The following DENND6B variants were observed in gnomAD, a reference collection of about 807,000 sequenced individuals.
DENND6B encodes the protein protein DENND6B.
DENND6B carries 73 observed loss-of-function variants against 85.1 expected under a neutral mutation model. The ratio of observed to expected loss-of-function variants is 0.86; its 90% CI spans 0.71 to 1.04. The LOEUF is 1.04. DENND6B is among the 50% of genes least tolerant of loss of function. DENND6B has a pLI of 0.00. For synonymous variants in DENND6B, 357 were observed against 329.3 expected, an observed-to-expected ratio of 1.08 and a Z score of -0.91; for missense variants, 715 against 785.8, an observed-to-expected ratio of 0.91 and a Z score of 1.08.
chr22:50,318,163 T>G (rs2041916986), intron 3 of DENND6B, 143 bp from the exon 4 acceptor site: 1 of 758,222 alleles, frequency 1.3e-6, no homozygotes, highest in African/African-American at 1.8e-5. Context: ...GCTAACACAG[T>G]GAAACCCCGT....
intron 15 of DENND6B, 46 bp downstream of exon 15, chr22:50,313,589 C>T (rs1569196468): frequency 6.6e-7 from 1 of 1,515,524 alleles, no homozygotes; most frequent in Non-Finnish European, 8.9e-7. Context: ...CCCATCCCCC[C>T]AGCCCCGTGC....
chr22:50,312,302 C>A, intron 19 of DENND6B, 41 bp from the exon 20 acceptor site: 1 of 1,611,160 alleles, frequency 6.2e-7, no homozygotes, highest in African/African-American at 1.3e-5. Context: ...CAGCTCCGTG[C>A]CAGGCTGGTG....
rs2041756965 is a variant in DENND6B, at chr22:50,315,004, G to C, written c.759-83C>G. The C allele has an allele frequency of 7.7e-6, 12 of 1,563,336 alleles. No individual in the cohort carries two copies. In the South Asian group the frequency reaches 1.4e-4, roughly 18 times the overall value. On this transcript the variant is annotated intron_variant, in intron 9 of 19. Coordinates refer to ENST00000413817, the MANE Select transcript of DENND6B (RefSeq NM_001001794.4). The stretch of plus-strand genomic sequence containing the variant: ...GCCCCGCTCTCCCACCGTTCACCCA[G>C]GCTGGCCCAGGCACTGGTGAACACA...
intron 9 of DENND6B, 141 bp from the exon 10 acceptor site, chr22:50,315,062 T>C: frequency 8.3e-7 from 1 of 1,203,516 alleles, no homozygotes; most frequent in Admixed American, 2.5e-5. Context: ...CAGATCTATC[T>C]GAAGATGTGT....
chr22:50,321,774 C>G lies in DENND6B; in HGVS notation c.178-2771G>C, dbSNP rs117410796. The stretch of plus-strand genomic sequence containing the variant: ...CTCGACCTCCTGGGCTCAAGCAAAC[C>G]TTCCACCTCAGCCTCCTGAGTAGCT... On this transcript the variant is annotated intron_variant, in intron 1 of 19. Transcript: ENST00000413817. 2.6e-3 allele frequency among the ~76,000 whole-genome samples: 397 copies of G among 152,302 alleles called. 3 individuals carry two copies. Among genetic ancestry groups the G allele is most frequent in the Non-Finnish European group, 4.4e-3 (296 of 68,026 alleles).
In DENND6B at chr22:50,311,121, C is replaced by T. The variant is rs2068054318; in HGVS notation, c.*1018G>A. The T allele has an allele frequency of 6.6e-6, 1 of 152,206 alleles. No individual in the cohort carries two copies. The highest frequency in any genetic ancestry group is 1.5e-5 in the Non-Finnish European group (1 of 68,086). 9.4% of individuals were successfully genotyped at this position (152,206 alleles called of 1,614,324 possible). The stretch of plus-strand genomic sequence containing the variant: ...TCTGAGGGTCTGAGTGGTCAGGGGA[C>T]CTGCTCCCGGGCACACAGTGCGTGA... On this transcript the variant is annotated 3_prime_UTR_variant, in exon 20 of 20. Transcript: ENST00000413817.
Position 50,318,873 on chromosome 22 carries a change from T to C in DENND6B, c.233A>G (p.Tyr78Cys). The change falls in exon 3 of 20, where the codon TAC becomes TGC. Residue 78 changes from tyrosine to cysteine, a missense_variant. Coordinates refer to ENST00000413817, the MANE Select transcript of DENND6B (RefSeq NM_001001794.4). The part of the protein sequence containing the change: ...LTDKEKSSIC[Y>C]LSFPDSHSGC... Reference sequence around the variant, plus strand: ...TGAGTGCGAGTCGGGAAAAGACAGGTAGCAGATGCTGCTTTTCTGAAACAT... The same window carrying C: ...TGAGTGCGAGTCGGGAAAAGACAGGCAGCAGATGCTGCTTTTCTGAAACAT... The C allele has an allele frequency of 6.2e-7, 1 of 1,613,248 alleles. No individual in the cohort carries two copies. Among genetic ancestry groups the C allele is most frequent in the Non-Finnish European group, 8.5e-7 (1 of 1,179,690 alleles).
chr22:50,321,113 C>T (rs952637273), intron 1 of DENND6B, among the ~76,000 whole-genome samples: 4 of 152,192 alleles, frequency 2.6e-5, no homozygotes, highest in African/African-American at 9.7e-5. Context: ...TCACCAGTCA[C>T]CCGGAGGAAG....
At chr22:50,326,730 C>T (rs908371837) in intron 1 of DENND6B, 82 bp downstream of exon 1, 38 of 1,215,284 alleles carry the variant, frequency 3.1e-5, no homozygotes, top group Non-Finnish European at 3.9e-5. Context: ...GCGGGGCGGC[C>T]GAGGGCCCCA....
At chr22:50,312,679 C>A (rs1167615530) in intron 17 of DENND6B, 54 bp from the exon 18 acceptor site, 11 of 1,240,102 alleles carry the variant, frequency 8.9e-6, no homozygotes, top group Middle Eastern at 2.5e-4. Flanking sequence ...GATTGACAGG[C>A]GGGGGCCATG....
chr22:50,312,942 G>C (rs2147765200), intron 17 of DENND6B, 57 bp downstream of exon 17: 1 of 1,468,862 alleles, frequency 6.8e-7, no homozygotes, highest in African/African-American at 1.4e-5. Context: ...GGGGGCCATG[G>C]GGCTGACCCT....
Position 50,311,904 on chromosome 22 carries a change from T to G in DENND6B, c.*235A>C, listed in dbSNP as rs1601800991. On this transcript the variant is annotated 3_prime_UTR_variant, in exon 20 of 20. Transcript: ENST00000413817. ...CAGCCTAAGGTCTGCAGAGGCCAGGTGGGACCCAGGAGGAGGCAAGGCTCT... is the reference window on the plus strand; with the variant it reads ...CAGCCTAAGGTCTGCAGAGGCCAGGGGGGACCCAGGAGGAGGCAAGGCTCT... The G allele has an allele frequency of 7.5e-6, 5 of 667,972 alleles. No individual in the cohort carries two copies. The South Asian group carries it at 7.9e-5, about 11-fold the overall frequency. 41.4% of individuals were successfully genotyped at this position (667,972 alleles called of 1,614,324 possible). A position where few individuals can be genotyped will look rare whatever the true frequency, so the allele number is the denominator to read the frequency against.
chr22:50,313,722 G>T lies in DENND6B; in HGVS notation c.1206C>A (p.Gly402=). The change falls in exon 15 of 20, where the codon GGC becomes GGA. Residue 402 remains glycine (G), a splice_region_variant and synonymous_variant. Coordinates refer to ENST00000413817, the MANE Select transcript of DENND6B (RefSeq NM_001001794.4). ...CATCTGACGGCCGCTTCTTCTGCAC[G>T]CCCTGCAGGGGAGAGAGGGCCAGGC... ...DKALLKRLLK[G]VQKKRPSDVQ... is the part of the protein sequence containing the mutation. The T allele has an allele frequency of 6.2e-7, 1 of 1,602,920 alleles. No individual in the cohort carries two copies. Among genetic ancestry groups the T allele is most frequent in the Non-Finnish European group, 8.5e-7 (1 of 1,176,412 alleles).
At chr22:50,312,298 C>T (rs376821412) in intron 19 of DENND6B, 37 bp from the exon 20 acceptor site, 13 of 1,611,068 alleles carry the variant, frequency 8.1e-6, no homozygotes, top group African/African-American at 6.7e-5. Flanking sequence ...GGCGCAGCTC[C>T]GTGCCAGGCT....
In DENND6B at chr22:50,313,868, G is replaced by A. The variant is rs199795711; in HGVS notation, c.1149C>T (p.Thr383=). 328 of 1,610,620 alleles carry A rather than the reference G, an allele frequency of 2.0e-4. No individual in the cohort carries two copies. The African/African-American group carries it at 3.6e-3, about 18-fold the overall frequency. The change falls in exon 14 of 20, where the codon ACC becomes ACT. Residue 383 remains threonine, a synonymous_variant. Coordinates refer to ENST00000413817, the MANE Select transcript of DENND6B (RefSeq NM_001001794.4). The stretch of plus-strand genomic sequence containing the variant: ...CGCGGTGGAGGTGGGCCGTGTAAGC[G>A]GTGTAGAGGCCTGGCGGGAGGGCAC... The part of the protein sequence containing the change: ...KTLDTKPGLY[T]AYTAHLHRDK...
chr22:50,317,434 G>A (rs1902766881), intron 4 of DENND6B, 61 bp from the exon 5 acceptor site: 2 of 1,585,330 alleles, frequency 1.3e-6, no homozygotes, highest in Admixed American at 1.7e-5. Context: ...CAGCCCCAGG[G>A]CTGGGAGTGG....
rs1271840835 is a variant in DENND6B at position 50,314,187 on chromosome 22, A to G, written c.1138+20T>C. On this transcript the variant is annotated intron_variant, in intron 13 of 19. Coordinates refer to ENST00000413817, the MANE Select transcript of DENND6B (RefSeq NM_001001794.4). ...GGCCTCTCCACGGTGGAGGGGCTCC[A>G]GGTCGAGGGGAGCACAGACCTGGCT... 9 of 1,593,098 alleles carry G rather than the reference A, an allele frequency of 5.6e-6. No individual in the cohort carries two copies. Among genetic ancestry groups the G allele is most frequent in the Non-Finnish European group, 7.7e-6 (9 of 1,172,784 alleles).
chr22:50,310,007 A>G lies in DENND6B; in HGVS notation c.*2132T>C, dbSNP rs1215268495. 2 of 152,260 alleles carry G rather than the reference A, an allele frequency of 1.3e-5. No homozygotes were observed. The highest frequency in any genetic ancestry group is 2.9e-5 in the Non-Finnish European group (2 of 68,054). 9.4% of individuals were successfully genotyped at this position (152,260 alleles called of 1,614,324 possible). A position where few individuals can be genotyped will look rare whatever the true frequency, so the allele number is the denominator to read the frequency against. ...GGTGGTCCTCAGGGGGCTGGTCACCAGCATAAGGCTTTTGCAGAGGGCCCT... is the reference window on the plus strand; with the variant it reads ...GGTGGTCCTCAGGGGGCTGGTCACCGGCATAAGGCTTTTGCAGAGGGCCCT... On this transcript the variant is annotated 3_prime_UTR_variant, in exon 20 of 20. Transcript: ENST00000413817.
chr22:50,326,738 C>A, intron 1 of DENND6B, 74 bp downstream of exon 1: 1 of 1,254,302 alleles, frequency 8.0e-7, no homozygotes. Context: ...GCCGAGGGCC[C>A]CAAGCGAGGC....
Sources: allele counts gnomAD v4.1 joint callset (sites outside exome capture counted in the v4.1 genomes callset), GRCh38; gene constraint gnomAD v4.1.1; transcripts MANE v1.5; gene names NCBI Gene and HGNC (gene_info 2026-07-23, HGNC 2026-07-21).